Variants in MAP3K19 observed in about 807,000 individuals in gnomAD.
MAP3K19 encodes the protein SPS1/STE20-related protein kinase YSK4.
A neutral mutation model predicts 114.4 loss-of-function variants in MAP3K19; 91 were observed. That is an observed-to-expected ratio of 0.80 (90% CI 0.67 to 0.95). The LOEUF is 0.95. MAP3K19 is among the 40% of genes least tolerant of loss of function. The probability of loss-of-function intolerance (pLI) is 0.00; values close to 1 mark genes in which losing one functional copy is unlikely to be tolerated. For missense variants in MAP3K19, 1,471 were observed against 1,573.2 expected, an observed-to-expected ratio of 0.94 and a Z score of 1.10; for synonymous variants, 518 against 530.5, an observed-to-expected ratio of 0.98 and a Z score of 0.32.
intron 5 of MAP3K19, among the ~76,000 whole-genome samples, chr2:135,020,099 C>T (rs571409843): frequency 1.3e-5 from 2 of 152,196 alleles, no homozygotes; most frequent in South Asian, 4.1e-4. Flanking sequence ...CTCACTGCAA[C>T]CTCTGCCTCC....
intron 3 of MAP3K19, among the ~76,000 whole-genome samples, chr2:135,027,502 C>G (rs1688287435): frequency 6.6e-6 from 1 of 151,974 alleles, no homozygotes; most frequent in Non-Finnish European, 1.5e-5. Context: ...GAATTGACAC[C>G]CTTCAGCTGG....
In MAP3K19 at chr2:135,035,518, T is replaced by C. The variant is rs60275723; in HGVS notation, c.-284+4845A>G. 5.8e-3 allele frequency among the ~76,000 whole-genome samples: 883 copies of C among 152,322 alleles called. 12 individuals are homozygous for C. The highest frequency in any genetic ancestry group is 0.033 in the South Asian group (159 of 4,828). ...GGAAGAAAGGATATAGAGTGATAGC[T>C]AAAGGATATCGGGTTTCTTTTTATC... On this transcript the variant is annotated intron_variant, in intron 2 of 12. Transcript: ENST00000392915.
At chr2:134,991,149 A>AC (rs1175897505) in intron 9 of MAP3K19, among the ~76,000 whole-genome samples, 1 of 151,968 alleles carries the variant, frequency 6.6e-6, no homozygotes, top group Non-Finnish European at 1.5e-5. Flanking sequence ...AAAATACAAA[A>AC]AATTAGCCGG....
In MAP3K19 at chr2:134,981,456, G is replaced by A. The variant is rs1046619001; in HGVS notation, c.3285C>T (p.Thr1095=). The A allele has an allele frequency of 2.5e-6, 4 of 1,614,036 alleles. No individual in the cohort carries two copies. Among genetic ancestry groups the A allele is most frequent in the Middle Eastern group, 1.6e-4 (1 of 6,084 alleles). The change falls in exon 12 of 13, where the codon ACC becomes ACT. Residue 1095 remains threonine, a synonymous_variant. Coordinates refer to ENST00000392915, the MANE Select transcript of MAP3K19 (RefSeq NM_025052.5). The part of the protein sequence containing the change: ...LIAVKQVALD[T]SNKLAAEKEY... ...CCTTTTCAGCAGCTAATTTATTAGA[G>A]GTATCCAAAGCCACCTGTTTTACAG... is the stretch of plus-strand genomic sequence containing the variant.
At chr2:135,037,402 C>T (rs1218968018) in intron 2 of MAP3K19, among the ~76,000 whole-genome samples, 1 of 152,174 alleles carries the variant, frequency 6.6e-6, no homozygotes, top group Non-Finnish European at 1.5e-5. Flanking sequence ...CCTCCTGCTG[C>T]TTGGAGTTCT....
intron 12 of MAP3K19, among the ~76,000 whole-genome samples, chr2:134,973,125 G>T (rs1386915124): frequency 6.6e-6 from 1 of 152,186 alleles, no homozygotes; most frequent in South Asian, 2.1e-4. Flanking sequence ...AAAATATTCT[G>T]TAGGTATCTG....
chr2:134,982,302 G>C (rs575475128), intron 11 of MAP3K19, among the ~76,000 whole-genome samples: 1 of 143,034 alleles, frequency 7.0e-6, no homozygotes, highest in African/African-American at 2.6e-5. Flanking sequence ...AAGTATTTTT[G>C]TGGAGACGAG....
chr2:134,996,134 C>CT (rs1268457815), intron 8 of MAP3K19, among the ~76,000 whole-genome samples: 1 of 151,868 alleles, frequency 6.6e-6, no homozygotes, highest in Non-Finnish European at 1.5e-5. Context: ...TATATATGTA[C>CT]TTTTTTTAGA....
chr2:134,971,378 C>CT (rs1165094730), intron 12 of MAP3K19, among the ~76,000 whole-genome samples: 2 of 152,116 alleles, frequency 1.3e-5, no homozygotes, highest in South Asian at 4.1e-4. Context: ...CTATAGTTTT[C>CT]TTTTTTTGTG....
At chr2:135,016,948 G>T (rs1687618164) in intron 5 of MAP3K19, among the ~76,000 whole-genome samples, 1 of 152,112 alleles carries the variant, frequency 6.6e-6, no homozygotes, top group Admixed American at 6.5e-5. Flanking sequence ...CTTTAAACTT[G>T]AAAACTCATA....
intron 5 of MAP3K19, among the ~76,000 whole-genome samples, chr2:135,013,978 T>C (rs940566402): frequency 6.6e-6 from 1 of 152,216 alleles, no homozygotes; most frequent in African/African-American, 2.4e-5. Flanking sequence ...GTAATATGTT[T>C]GAGATTTCTG....
chr2:134,968,069 G>A (rs1227923712), intron 12 of MAP3K19, among the ~76,000 whole-genome samples: 1 of 152,088 alleles, frequency 6.6e-6, no homozygotes, highest in African/African-American at 2.4e-5. Context: ...CTCCCAACGA[G>A]CATGCTGCCT....
intron 11 of MAP3K19, chr2:134,983,328 G>T: frequency 1.8e-6 from 1 of 559,474 alleles, no homozygotes. Context: ...CATTGGACTT[G>T]AACCTGGGAG....
intron 1 of MAP3K19, among the ~76,000 whole-genome samples, chr2:135,043,538 C>A (rs1688685739): frequency 6.6e-6 from 1 of 152,222 alleles, no homozygotes; most frequent in Admixed American, 6.5e-5. Context: ...CTGCCCCCTA[C>A]TGGCCTCGCC....
intron 12 of MAP3K19, 59 bp from the exon 13 acceptor site, chr2:134,964,975 G>T: frequency 1.6e-6 from 2 of 1,258,736 alleles, no homozygotes; most frequent in South Asian, 1.3e-5. Flanking sequence ...TGCCAATGTA[G>T]ATCTACTTAA....
chr2:135,015,182 T>C (rs1164367430), intron 5 of MAP3K19, among the ~76,000 whole-genome samples: 1 of 152,254 alleles, frequency 6.6e-6, no homozygotes, highest in Non-Finnish European at 1.5e-5. Context: ...AAAGTTCTTG[T>C]TGCCCTACAT....
rs1686298275 is a variant in MAP3K19, at chr2:134,999,679, T to C, written c.314+258A>G. Reference sequence around the variant, plus strand: ...GCCTTTTTCTGTAGCTTTAATTGGATCACAGCCACACTCATTTGTTTACAT... The same window carrying C: ...GCCTTTTTCTGTAGCTTTAATTGGACCACAGCCACACTCATTTGTTTACAT... On this transcript the variant is annotated intron_variant, in intron 7 of 12. Coordinates refer to ENST00000392915, the MANE Select transcript of MAP3K19 (RefSeq NM_025052.5). This position sits in a 1 kb window ranked among gnomAD's most constrained non-coding sequence, Gnocchi z 4.1. Among the ~76,000 whole-genome samples, 1 of 152,196 alleles carries C rather than the reference T, an allele frequency of 6.6e-6. No individual in the cohort carries two copies. The highest frequency in any genetic ancestry group is 6.5e-5 in the Admixed American group (1 of 15,282).
chr2:134,986,572 C>G lies in MAP3K19; in HGVS notation c.2300G>C (p.Trp767Ser). The G allele has an allele frequency of 1.2e-6, 2 of 1,614,160 alleles. No homozygotes were observed. The change falls in exon 10 of 13, where the codon TGG becomes TCG. Residue 767 changes from tryptophan to serine, a missense_variant. Coordinates refer to ENST00000392915, the MANE Select transcript of MAP3K19 (RefSeq NM_025052.5). ...ENGDGISEPD[W>S]QIKSSGNEFL... ...CTCATTTCCTGAAGACTTTATCTGC[C>G]AGTCTGGTTCTGAAATACCATCACC...
intron 1 of MAP3K19, among the ~76,000 whole-genome samples, chr2:135,043,751 T>C (rs1358342935): frequency 6.6e-6 from 1 of 152,246 alleles, no homozygotes; most frequent in Non-Finnish European, 1.5e-5. Context: ...CCCTGTGTTC[T>C]GCCCATTCAT....
Sources: gnomAD v4.1 joint callset for allele counts (sites outside exome capture counted in the v4.1 genomes callset) on GRCh38, gnomAD v4.1.1 for gene constraint, Gnocchi (gnomAD v3.1) non-coding constraint, MANE v1.5 for transcripts, NCBI Gene and HGNC (gene_info 2026-07-23, HGNC 2026-07-21) for gene names.